The following LRRIQ3 variants were observed in gnomAD, a reference collection of about 807,000 sequenced individuals.
LRRIQ3 encodes leucine rich repeats and IQ motif containing 3.
LRRIQ3 carries 75 observed loss-of-function variants against 59.3 expected under a neutral mutation model. That is an observed-to-expected ratio of 1.26 (90% confidence interval 1.05 to 1.53). LRRIQ3 has a LOEUF of 1.53. Ranked by LOEUF, LRRIQ3 falls within the 40% of genes most tolerant of loss-of-function variation. The pLI is 0.00. For synonymous variants in LRRIQ3, 250 were observed against 231.3 expected, an observed-to-expected ratio of 1.08 and a Z score of -0.73; for missense variants, 831 against 710.0, an observed-to-expected ratio of 1.17 and a Z score of -1.94.
intron 4 of LRRIQ3, among the ~76,000 whole-genome samples, chr1:74,149,892 C>A (rs532506163): frequency 6.6e-6 from 1 of 152,168 alleles, no homozygotes; most frequent in African/African-American, 2.4e-5. Context: ...ATCCTTAAAA[C>A]AGTAGCCAAA....
chr1:74,186,023 C>T (rs1287930265), intron 1 of LRRIQ3, among the ~76,000 whole-genome samples: 1 of 150,336 alleles, frequency 6.7e-6, no homozygotes, highest in African/African-American at 2.4e-5. Flanking sequence ...GGCATTAGTA[C>T]ACAAATTATA....
At chr1:74,156,837 T>C (rs1282493076) in intron 3 of LRRIQ3, among the ~76,000 whole-genome samples, 1 of 152,026 alleles carries the variant, frequency 6.6e-6, no homozygotes, top group East Asian at 1.9e-4. Flanking sequence ...GTATATTTCA[T>C]TGACAACTTG....
At chr1:74,132,818 T>A (rs183006429) in intron 4 of LRRIQ3, among the ~76,000 whole-genome samples, 1 of 152,156 alleles carries the variant, frequency 6.6e-6, no homozygotes, top group Admixed American at 6.5e-5. Context: ...GGACTTCATG[T>A]CTAAAACATC....
At chr1:74,084,647 C>T (rs1447821823) in intron 5 of LRRIQ3, among the ~76,000 whole-genome samples, 2 of 151,194 alleles carry the variant, frequency 1.3e-5, no homozygotes, top group Non-Finnish European at 3.0e-5. Flanking sequence ...AAGATAATAC[C>T]AGAATTCTAA....
At position 74,182,619 on chromosome 1, in the gene LRRIQ3, T is replaced by C; in HGVS notation, c.492A>G (p.Ile164Met). Reference protein sequence around the residue: ...LDHHVISDEEIIQNWHLPERF... With the variant: ...LDHHVISDEEMIQNWHLPERF... ...TTTCAGGAAGATGCCAGTTCTGAAT[T>C]ATTTCTTCATCAGAAATCACATGAT... Residue 164 changes from isoleucine (I) to methionine (M), a missense_variant, in exon 3 of 8, where the codon ATA (isoleucine) becomes ATG (methionine). Physicochemically the swap from Ile to Met is conservative, Grantham distance 10. Transcript: ENST00000354431. The C allele has an allele frequency of 6.2e-7, 1 of 1,609,214 alleles. No individual in the cohort carries two copies. The highest frequency in any genetic ancestry group is 8.5e-7 in the Non-Finnish European group (1 of 1,177,286).
At chr1:74,039,269 G>C (rs748543606) in intron 7 of LRRIQ3, among the ~76,000 whole-genome samples, 1 of 152,100 alleles carries the variant, frequency 6.6e-6, no homozygotes, top group Non-Finnish European at 1.5e-5. Context: ...ATGAAGACAG[G>C]ATTAGAGAAA....
At chr1:74,052,519 A>G (rs1289674431) in intron 6 of LRRIQ3, among the ~76,000 whole-genome samples, 1 of 116,186 alleles carries the variant, frequency 8.6e-6, no homozygotes, top group Non-Finnish European at 1.7e-5. Flanking sequence ...TTCTTATATC[A>G]GCTCTCAATT....
intron 3 of LRRIQ3, among the ~76,000 whole-genome samples, chr1:74,168,759 C>G (rs976679750): frequency 5.3e-5 from 8 of 151,936 alleles, no homozygotes; most frequent in Admixed American, 1.3e-4. Context: ...CCTCAGTTTT[C>G]CTGACATATA....
chr1:74,141,658 C>A (rs543211615), intron 4 of LRRIQ3, among the ~76,000 whole-genome samples: 1 of 151,588 alleles, frequency 6.6e-6, no homozygotes, highest in Non-Finnish European at 1.5e-5. Context: ...GTATTAGATA[C>A]GTATTTTGTT....
At chr1:74,116,142 G>A (rs17094880) in intron 4 of LRRIQ3, among the ~76,000 whole-genome samples, 2,233 of 151,936 alleles carry the variant, frequency 0.015, 58 homozygotes, top group African/African-American at 0.051. Context: ...CAATATAGAC[G>A]TTTTTCCACA....
At chr1:74,131,850 T>C (rs575242228) in intron 4 of LRRIQ3, among the ~76,000 whole-genome samples, 4 of 152,154 alleles carry the variant, frequency 2.6e-5, no homozygotes, top group South Asian at 2.1e-4. Flanking sequence ...CACTCCTATT[T>C]AACATAGTGT....
rs867456281 is a variant in LRRIQ3, at chr1:74,182,681, G to A, written c.430C>T (p.Leu144Phe). The part of the protein sequence containing the change: ...VSLKKGYRHV[L>F]VNSIWPLKAL... ...TTGAGAGGCCATATACTGTTAACAA[G>A]AACATGTCTATATCCTTTTTTAAGG... is the stretch of plus-strand genomic sequence containing the variant. Residue 144 changes from leucine (L) to phenylalanine (F), a missense_variant, in exon 3 of 8, where the codon CTT becomes TTT. By Grantham distance (22) the Leu-to-Phe change is conservative (BLOSUM62 0). Coordinates refer to ENST00000354431, the MANE Select transcript of LRRIQ3 (RefSeq NM_001105659.2). 1.2e-6 allele frequency: 2 copies of A among 1,612,510 alleles called. No individual in the cohort carries two copies. The highest frequency in any genetic ancestry group is 3.3e-4 in the Middle Eastern group (2 of 6,054).
intron 4 of LRRIQ3, among the ~76,000 whole-genome samples, chr1:74,124,951 G>A (rs1343946550): frequency 6.6e-6 from 1 of 151,886 alleles, no homozygotes; most frequent in Non-Finnish European, 1.5e-5. Flanking sequence ...GCTTTGAGTA[G>A]TATGGACATT....
At chr1:74,162,687 T>TTA (rs1419874295) in intron 3 of LRRIQ3, among the ~76,000 whole-genome samples, 1 of 151,828 alleles carries the variant, frequency 6.6e-6, no homozygotes, top group Non-Finnish European at 1.5e-5. Flanking sequence ...CATATTGTAC[T>TTA]TATATAATTT....
chr1:74,191,907 A>T (rs1650789233), intron 1 of LRRIQ3, among the ~76,000 whole-genome samples: 1 of 152,108 alleles, frequency 6.6e-6, no homozygotes, highest in African/African-American at 2.4e-5. Flanking sequence ...CAAAGTAAAT[A>T]TGAGAAAATT....
chr1:74,193,271 A>G (rs1480924771), intron 1 of LRRIQ3, among the ~76,000 whole-genome samples: 5 of 152,206 alleles, frequency 3.3e-5, no homozygotes, highest in Non-Finnish European at 7.4e-5. Flanking sequence ...GCAACACGTT[A>G]CAGAACGTAT....
At chr1:74,035,595 G>T (rs572968260) in intron 7 of LRRIQ3, among the ~76,000 whole-genome samples, 1 of 152,164 alleles carries the variant, frequency 6.6e-6, no homozygotes, top group South Asian at 2.1e-4. Context: ...TCCAAAGTGT[G>T]CCCTAAGAAT....
chr1:74,135,439 G>T (rs555800211), intron 4 of LRRIQ3, among the ~76,000 whole-genome samples: 36 of 151,948 alleles, frequency 2.4e-4, no homozygotes, highest in African/African-American at 7.7e-4. Context: ...TCACCCAATA[G>T]AATGAAATTT....
chr1:74,112,448 G>T (rs971928179), intron 4 of LRRIQ3, among the ~76,000 whole-genome samples: 2 of 152,130 alleles, frequency 1.3e-5, no homozygotes, highest in African/African-American at 4.8e-5. Context: ...GAGCTAAGAA[G>T]AATATCGGGA....
Sources: allele counts gnomAD v4.1 joint callset (sites outside exome capture counted in the v4.1 genomes callset), GRCh38; gene constraint gnomAD v4.1.1; transcripts MANE v1.5; gene names NCBI Gene and HGNC (gene_info 2026-07-23, HGNC 2026-07-21).